The following FCMR variants were observed in gnomAD, a reference collection of about 807,000 sequenced individuals.
FCMR encodes Fc mu receptor.
FCMR carries 34 observed loss-of-function variants against 41.6 expected under a neutral mutation model. The ratio of observed to expected loss-of-function variants is 0.82; its 90% confidence interval spans 0.62 to 1.09. The LOEUF (loss-of-function observed/expected upper bound fraction) is 1.09. Ranked by LOEUF, FCMR falls within the 50% of genes least tolerant of loss-of-function variation. FCMR has a pLI of 0.00. For synonymous variants in FCMR, 209 were observed against 211.8 expected (o/e 0.99, Z 0.12); for missense variants, 496 against 512.5 (o/e 0.97, Z 0.31).
chr1:206,910,280 C>T lies in FCMR; in HGVS notation c.771G>A (p.Pro257=). The T allele has an allele frequency of 6.3e-7, 1 of 1,578,622 alleles. No individual in the cohort carries two copies. Among genetic ancestry groups the T allele is most frequent in the Non-Finnish European group, 8.6e-7 (1 of 1,162,136 alleles). The change falls in exon 5 of 8, where the codon CCG becomes CCA. Residue 257 remains proline (P), a synonymous_variant. Transcript: ENST00000367091. ...CCAGCAGGAAAAGGCCCAGGATGGT[C>T]GGGATCAGGATGTGAAATCCTTGGC... is the stretch of plus-strand genomic sequence containing the variant. The part of the protein sequence containing the change: ...REGQGFHILI[P]TILGLFLLAL...
chr1:206,912,667 C>T (rs1243927171), intron 3 of FCMR, among the ~76,000 whole-genome samples: 2 of 152,220 alleles, frequency 1.3e-5, no homozygotes, highest in Non-Finnish European at 2.9e-5. Context: ...GGAGCACAAA[C>T]ATCATTGCTT....
At position 206,909,489 on chromosome 1, in the gene FCMR, T is replaced by C; in HGVS notation, c.1017A>G (p.Gly339=). 7.8e-7 allele frequency: 1 copy of C among 1,284,372 alleles called. No homozygotes were observed. 79.6% of individuals were successfully genotyped at this position (1,284,372 alleles called of 1,614,324 possible). ...GCAGCGGGGCGGGGGGCAACGGCGC[T>C]CCGGGGCCGGGAACGGGGGCCTCCC... The part of the protein sequence containing the change: ...GTGEAPVPGP[G]APLPPAPLQV... The change falls in exon 7 of 8, where the codon GGA becomes GGG. Residue 339 remains glycine, a synonymous_variant. Coordinates refer to ENST00000367091, the MANE Select transcript of FCMR (RefSeq NM_005449.5). The surrounding 1 kb of genome is among the most constrained non-coding windows in gnomAD (Gnocchi z 5.0).
upstream of FCMR, chr1:206,922,055 C>T (rs1309745122): frequency 1.6e-6 from 1 of 606,896 alleles, no homozygotes; most frequent in Non-Finnish European, 3.0e-6. Context: ...GCTGACAAAC[C>T]ACAGCGGAAG....
chr1:206,910,419 A>G, intron 4 of FCMR, 79 bp from the exon 5 acceptor site: 1 of 1,201,584 alleles, frequency 8.3e-7, no homozygotes, highest in Non-Finnish European at 1.1e-6. Context: ...CTGTGTAGCC[A>G]ACGTTTTTGG....
chr1:206,906,065 C>A (rs928512780), intron 7 of FCMR: 4 of 325,160 alleles, frequency 1.2e-5, no homozygotes, highest in Non-Finnish European at 2.5e-5. Context: ...GAGGATGAAA[C>A]TCAGTCAAGT....
In FCMR at chr1:206,904,574, TA is replaced by T; in HGVS notation, c.*444del. 1 of 187,764 alleles carries T rather than the reference TA, an allele frequency of 5.3e-6. No individual in the cohort carries two copies. Among genetic ancestry groups the T allele is most frequent in the Non-Finnish European group, 1.1e-5 (1 of 88,210 alleles). 11.6% of individuals were successfully genotyped at this position (187,764 alleles called of 1,614,324 possible). On this transcript the variant is annotated 3_prime_UTR_variant, in exon 8 of 8. Coordinates refer to ENST00000367091, the MANE Select transcript of FCMR (RefSeq NM_005449.5). ...GTCCATGGGGCTGAGGCATGTCACA[TA>T]ACTCAGAGCAAGAGCCTTCTATTTG...
intron 2 of FCMR, chr1:206,913,550 C>T (rs1373635006): frequency 4.0e-5 from 24 of 597,784 alleles, no homozygotes; most frequent in Admixed American, 5.9e-5. Context: ...GAGCACCTAT[C>T]TTGTTCTTTT....
rs1469373269 is a variant in FCMR, at chr1:206,903,595, G to T, written c.*1424C>A. 1.3e-5 allele frequency: 2 copies of T among 153,436 alleles called. No individual in the cohort carries two copies. Among genetic ancestry groups the T allele is most frequent in the African/African-American group, 4.8e-5 (2 of 41,442 alleles). The allele number at this position is 153,436 out of a possible 1,614,324, so 9.5% of individuals were successfully genotyped here. ...GACAGAGCATTGGGGTGGGGGTAAG[G>T]TGCATCTGTTTGAAAAGTAAACGAT... On this transcript the variant is annotated 3_prime_UTR_variant, in exon 8 of 8. Coordinates refer to ENST00000367091, the MANE Select transcript of FCMR (RefSeq NM_005449.5).
intron 5 of FCMR, 41 bp downstream of exon 5, chr1:206,910,169 T>G (rs375084695): frequency 5.1e-5 from 79 of 1,537,442 alleles, no homozygotes; most frequent in Non-Finnish European, 8.7e-6. Context: ...TGTGGGCTCT[T>G]TGGGCAGCTC....
Position 206,909,945 on chromosome 1 carries a change from C to T in FCMR, c.842-77G>A. The stretch of plus-strand genomic sequence containing the variant: ...GCCACCCTCCCCAAACGAAAGGCTG[C>T]CTCCTCCCTCGGGCTTGGCAGTGTC... On this transcript the variant is annotated intron_variant, in intron 5 of 7. Coordinates refer to ENST00000367091, the MANE Select transcript of FCMR (RefSeq NM_005449.5). This position sits in a 1 kb window ranked among gnomAD's most constrained non-coding sequence, Gnocchi z 5.0. 2 of 1,342,286 alleles carry T rather than the reference C, an allele frequency of 1.5e-6. No individual in the cohort carries two copies. Among genetic ancestry groups the T allele is most frequent in the Non-Finnish European group, 9.6e-7 (1 of 1,041,164 alleles). The allele number at this position is 1,342,286 out of a possible 1,614,324, so 83.1% of individuals were successfully genotyped here. A position where few individuals can be genotyped will look rare whatever the true frequency, so the allele number is the denominator to read the frequency against.
At position 206,914,067 on chromosome 1, in the gene FCMR, T is replaced by C; in HGVS notation, c.65A>G (p.Glu22Gly). 1 of 1,614,002 alleles carries C rather than the reference T, an allele frequency of 6.2e-7. No homozygotes were observed. Among genetic ancestry groups the C allele is most frequent in the Non-Finnish European group, 8.5e-7 (1 of 1,179,910 alleles). The change falls in exon 2 of 8, where the codon GAA becomes GGA. Residue 22 changes from glutamate to glycine, a missense_variant. Physicochemically the swap from Glu to Gly is moderately conservative, Grantham distance 98. Transcript: ENST00000367091. ...GCCCAGCTCCCCCTCTACCTTTACT[T>C]CTGGGAGGATCCTCAGGGCCCCCGA... is the stretch of plus-strand genomic sequence containing the variant. ...PVSGALRILP[E>G]VKVEGELGGS... is the part of the protein sequence containing the mutation.
chr1:206,922,520 C>T (rs994469009), upstream of FCMR, among the ~76,000 whole-genome samples: 8 of 152,244 alleles, frequency 5.3e-5, no homozygotes, highest in African/African-American at 9.6e-5. Context: ...CCTGCCATTC[C>T]CTCCTGCAGA....
At chr1:206,906,824 A>G (rs944291524) in intron 7 of FCMR, among the ~76,000 whole-genome samples, 5 of 151,840 alleles carry the variant, frequency 3.3e-5, no homozygotes, top group African/African-American at 1.2e-4. Context: ...GAGTAGACAG[A>G]CAGTGTGGCG....
At chr1:206,908,305 A>AC (rs1194378494) in intron 7 of FCMR, 10 of 773,188 alleles carry the variant, frequency 1.3e-5, no homozygotes, top group Non-Finnish European at 2.1e-5. Context: ...AATGTGCGGG[A>AC]CCCAGGGGCA....
At chr1:206,913,149 G>T (rs1336566078) in intron 2 of FCMR, 107 bp from the exon 3 acceptor site, 4 of 835,518 alleles carry the variant, frequency 4.8e-6, no homozygotes, top group Admixed American at 1.8e-5. Context: ...GGGGATGAGG[G>T]CAGGGTCCAC....
In FCMR at chr1:206,908,088, G is replaced by A. The variant is rs892668198; in HGVS notation, c.1044+1374C>T. ...ACCAGGCAGTGATAACCACCCTGGA[G>A]GAGAAGTGGAAGGAGAAGGCCAAGT... On this transcript the variant is annotated intron_variant, in intron 7 of 7. Transcript: ENST00000367091. The A allele has an allele frequency of 3.5e-6, 4 of 1,144,204 alleles. No individual in the cohort carries two copies. The African/African-American group carries it at 6.0e-5, about 17-fold the overall frequency. 70.9% of individuals were successfully genotyped at this position (1,144,204 alleles called of 1,614,324 possible). A position where few individuals can be genotyped will look rare whatever the true frequency, so the allele number is the denominator to read the frequency against.
chr1:206,910,203 C>T lies in FCMR; in HGVS notation c.841+7G>A. 1.9e-6 allele frequency: 3 copies of T among 1,594,716 alleles called. No individual in the cohort carries two copies. Among genetic ancestry groups the T allele is most frequent in the Non-Finnish European group, 2.6e-6 (3 of 1,172,196 alleles). On this transcript the variant is annotated splice_region_variant and intron_variant, in intron 5 of 7. Coordinates refer to ENST00000367091, the MANE Select transcript of FCMR (RefSeq NM_005449.5). ...TCAGCTCTCCCTACCGAAGCCCAGC[C>T]GCTCACCTTTCCTCCTTTCAACGGC... is the stretch of plus-strand genomic sequence containing the variant.
At chr1:206,905,582 C>T (rs1558645165) in intron 7 of FCMR, among the ~76,000 whole-genome samples, 3 of 152,098 alleles carry the variant, frequency 2.0e-5, no homozygotes, top group Non-Finnish European at 1.5e-5. Context: ...CAGTGCATTC[C>T]AGGAAGGGGG....
chr1:206,912,078 C>T (rs1678968606), intron 3 of FCMR, 126 bp from the exon 4 acceptor site: 4 of 701,816 alleles, frequency 5.7e-6, no homozygotes, highest in Admixed American at 3.4e-5. Flanking sequence ...TTCTTGCAGT[C>T]CTCAGGGCCT....
Sources: allele counts gnomAD v4.1 joint callset (sites outside exome capture counted in the v4.1 genomes callset), GRCh38; gene constraint gnomAD v4.1.1; non-coding constraint Gnocchi (gnomAD v3.1); transcripts MANE v1.5; gene names NCBI Gene and HGNC (gene_info 2026-07-23, HGNC 2026-07-21).